The following LIFR variants were observed in gnomAD, a reference collection of about 807,000 sequenced individuals.
LIFR encodes the protein LIF receptor subunit alpha.
Under a neutral mutation model 122.2 loss-of-function variants are expected in LIFR, and 84 were observed. That is an observed-to-expected ratio of 0.69 (90% CI 0.58 to 0.82). The LOEUF (loss-of-function observed/expected upper bound fraction) is 0.82. LIFR is among the 40% of genes least tolerant of loss of function. LIFR has a pLI of 0.00. For synonymous variants in LIFR, 422 were observed against 434.7 expected, an observed-to-expected ratio of 0.97 and a Z score of 0.36; for missense variants, 1,294 against 1,311.6, an observed-to-expected ratio of 0.99 and a Z score of 0.21.
In LIFR at chr5:38,478,758, T is replaced by C; in HGVS notation, c.*2837A>G. The C allele has an allele frequency of 9.2e-6, 2 of 217,572 alleles. No homozygotes were observed. The highest frequency in any genetic ancestry group is 1.9e-5 in the Non-Finnish European group (2 of 107,786). 13.5% of individuals were successfully genotyped at this position (217,572 alleles called of 1,614,324 possible). On this transcript the variant is annotated 3_prime_UTR_variant, in exon 20 of 20. Transcript: ENST00000453190. ...AAGAGAGGTAAAAATGTGTCTTACATGAATTACTATCCCACAGATATGATG... is the reference window on the plus strand; with the variant it reads ...AAGAGAGGTAAAAATGTGTCTTACACGAATTACTATCCCACAGATATGATG...
intron 5 of LIFR, among the ~76,000 whole-genome samples, chr5:38,522,318 C>A (rs1746447111): frequency 6.6e-6 from 1 of 152,138 alleles, no homozygotes; most frequent in South Asian, 2.1e-4. Flanking sequence ...GCCTCACTTT[C>A]CTCTTCCTTC....
chr5:38,506,001 T>C lies in LIFR; in HGVS notation c.1195A>G (p.Met399Val), dbSNP rs557628661. 13 of 1,607,772 alleles carry C rather than the reference T, an allele frequency of 8.1e-6. No individual in the cohort carries two copies. The highest frequency in any genetic ancestry group is 1.1e-5 in the Non-Finnish European group (13 of 1,175,338). The change falls in exon 9 of 20, where the codon ATG becomes GTG. Residue 399 changes from methionine to valine, a missense_variant. Met to Val is a conservative substitution (Grantham distance 21). Coordinates refer to ENST00000453190, the MANE Select transcript of LIFR (RefSeq NM_001127671.2). ...TTATATATTTCTTGATTTGGAAGCA[T>C]TTGAAATAATAATTGATAGCTTTCG... ...TNESYQLLFQ[M>V]LPNQEIYNFT...
At chr5:38,515,911 T>G (rs962344988) in intron 5 of LIFR, among the ~76,000 whole-genome samples, 7 of 152,266 alleles carry the variant, frequency 4.6e-5, no homozygotes, top group African/African-American at 1.7e-4. Flanking sequence ...GTTCTTGATT[T>G]TTAAATTATT....
intron 8 of LIFR, 42 bp downstream of exon 8, chr5:38,506,461 C>T (rs775768053): frequency 1.6e-5 from 26 of 1,611,594 alleles, no homozygotes; most frequent in Non-Finnish European, 2.0e-5. Flanking sequence ...GCACTTCCAA[C>T]GTACTCCTTG....
chr5:38,584,023 T>C (rs534377065), intron 1 of LIFR, among the ~76,000 whole-genome samples: 18 of 150,664 alleles, frequency 1.2e-4, no homozygotes, highest in Admixed American at 2.0e-4. Context: ...ATCTCTCTCT[T>C]TTTTTTTTAA....
rs566116914 is a variant in LIFR, at chr5:38,594,960, T to G, written c.-20+301A>C. 10 of 195,454 alleles carry G rather than the reference T, an allele frequency of 5.1e-5. 2 individuals are homozygous for G. The highest frequency in any genetic ancestry group is 2.3e-4 in the African/African-American group (10 of 43,342). The allele number at this position is 195,454 out of a possible 1,614,324, so 12.1% of individuals were successfully genotyped here. On this transcript the variant is annotated intron_variant, in intron 1 of 19. Coordinates refer to the LIFR transcript ENST00000263409. ...GCAGAAACTGTACAACTGTATACAG[T>G]GACCATTTCTACTCTGGGTCTCTAA...
intron 5 of LIFR, among the ~76,000 whole-genome samples, chr5:38,515,788 G>A (rs1196171570): frequency 2.0e-5 from 3 of 152,174 alleles, no homozygotes; most frequent in African/African-American, 7.2e-5. Flanking sequence ...TTTGTGTGTG[G>A]GGGAGCAGTG....
At chr5:38,536,028 A>AT (rs776430040) in intron 1 of LIFR, among the ~76,000 whole-genome samples, 4 of 152,176 alleles carry the variant, frequency 2.6e-5, no homozygotes, top group Non-Finnish European at 5.9e-5. Context: ...CTCATGCTAC[A>AT]TTTTTTTGTG....
At chr5:38,573,838 G>T (rs902642998) in intron 1 of LIFR, among the ~76,000 whole-genome samples, 2 of 152,100 alleles carry the variant, frequency 1.3e-5, no homozygotes, top group Non-Finnish European at 2.9e-5. Flanking sequence ...CAATCAAGGG[G>T]CTGGGTGCGG....
upstream of LIFR, among the ~76,000 whole-genome samples, chr5:38,597,577 T>G (rs773312224): frequency 2.0e-5 from 3 of 152,184 alleles, no homozygotes; most frequent in Non-Finnish European, 4.4e-5. Flanking sequence ...TTGTCACAAC[T>G]GGGTGAGGTA....
intron 1 of LIFR, among the ~76,000 whole-genome samples, chr5:38,534,913 A>G (rs1329253333): frequency 1.3e-5 from 2 of 152,200 alleles, no homozygotes; most frequent in Non-Finnish European, 2.9e-5. Flanking sequence ...TAAAAAGAAC[A>G]CCTTCCAAAA....
intron 14 of LIFR, chr5:38,490,835 T>C (rs1318607054): frequency 2.0e-5 from 3 of 152,216 alleles, no homozygotes; most frequent in African/African-American, 7.2e-5. Flanking sequence ...CCTGACCTCG[T>C]GACCCACCCA....
At chr5:38,545,445 C>T (rs557792865) in intron 1 of LIFR, among the ~76,000 whole-genome samples, 1 of 152,076 alleles carries the variant, frequency 6.6e-6, no homozygotes, top group Admixed American at 6.5e-5. Context: ...CTGGGGTTAT[C>T]TCTGAATGGT....
chr5:38,589,516 G>A (rs1468572591), intron 1 of LIFR, among the ~76,000 whole-genome samples: 1 of 152,042 alleles, frequency 6.6e-6, no homozygotes, highest in Non-Finnish European at 1.5e-5. Flanking sequence ...TTAATCCCAA[G>A]TGATTCTTGA....
At chr5:38,529,970 C>A (rs975149905) in intron 2 of LIFR, among the ~76,000 whole-genome samples, 1 of 152,032 alleles carries the variant, frequency 6.6e-6, no homozygotes, top group Non-Finnish European at 1.5e-5. Flanking sequence ...ATGATAATTT[C>A]TTTATATAAA....
chr5:38,551,224 G>T (rs1242756701), intron 1 of LIFR, among the ~76,000 whole-genome samples: 1 of 152,172 alleles, frequency 6.6e-6, no homozygotes, highest in Admixed American at 6.5e-5. Context: ...AGCATGGCAG[G>T]GCTATGGGTC....
chr5:38,605,851 C>G (rs554614490), intron 2 of LIFR, among the ~76,000 whole-genome samples: 3 of 152,264 alleles, frequency 2.0e-5, no homozygotes, highest in Admixed American at 6.5e-5. Context: ...TGGAGTTGTC[C>G]CGCCTTTCCA....
At chr5:38,510,055 G>A (rs1163199053) in intron 7 of LIFR, among the ~76,000 whole-genome samples, 1 of 152,140 alleles carries the variant, frequency 6.6e-6, no homozygotes, top group Non-Finnish European at 1.5e-5. Flanking sequence ...AAGATTTTGT[G>A]TAAAATTGCT....
chr5:38,571,140 C>T (rs1183613621), intron 1 of LIFR, among the ~76,000 whole-genome samples: 1 of 152,214 alleles, frequency 6.6e-6, no homozygotes, highest in Non-Finnish European at 1.5e-5. Flanking sequence ...TGATCTTCAT[C>T]AGCCAAAGGT....
Sources: allele counts gnomAD v4.1 joint callset (sites outside exome capture counted in the v4.1 genomes callset), GRCh38; gene constraint gnomAD v4.1.1; transcripts MANE v1.5; gene names NCBI Gene and HGNC (gene_info 2026-07-23, HGNC 2026-07-21).